The following AEBP2 variants were observed in gnomAD, a reference collection of about 807,000 sequenced individuals.
The protein encoded by AEBP2 is zinc finger protein AEBP2.
Under a neutral mutation model 50.8 loss-of-function variants are expected in AEBP2, and 10 were observed. That is an observed-to-expected ratio of 0.20 (90% CI 0.12 to 0.33). The LOEUF (loss-of-function observed/expected upper bound fraction) is 0.33, where lower values mean the gene tolerates loss of function less well. Among genes scored for constraint, AEBP2 ranks in the 10% least tolerant of loss-of-function variants. The pLI is 1.00. For missense variants in AEBP2, 570 were observed against 688.0 expected (o/e 0.83, Z 1.92); for synonymous variants, 296 against 261.3 (o/e 1.13, Z -1.28).
rs893388906 is a variant in AEBP2, at chr12:19,519,081, ACTTT to A, written c.*968_*971del. On this transcript the variant is annotated 3_prime_UTR_variant, in exon 8 of 8. Coordinates refer to ENST00000266508, the MANE Select transcript of AEBP2 (RefSeq NM_153207.5). ...TGGTCTTGAAAAGGAAAATAAAATCACTTTCTTGCTTGGTAAGCAAGAAGCCATA... is the reference window on the plus strand; with the variant it reads ...TGGTCTTGAAAAGGAAAATAAAATCACTTGCTTGGTAAGCAAGAAGCCATA... 4 of 156,254 alleles carry A rather than the reference ACTTT, an allele frequency of 2.6e-5. No homozygotes were observed. Among genetic ancestry groups the A allele is most frequent in the African/African-American group, 9.6e-5 (4 of 41,598 alleles). The allele number at this position is 156,254 out of a possible 1,614,324, so 9.7% of individuals were successfully genotyped here. A position where few individuals can be genotyped will look rare whatever the true frequency, so the allele number is the denominator to read the frequency against.
chr12:19,422,697 T>C (rs1279621255), intron 1 of AEBP2, among the ~76,000 whole-genome samples: 1 of 151,886 alleles, frequency 6.6e-6, no homozygotes, highest in Non-Finnish European at 1.5e-5. Context: ...TGGTGAAATG[T>C]ATGGTGTTCC....
chr12:19,472,052 T>C (rs184232828), intron 2 of AEBP2, among the ~76,000 whole-genome samples: 101 of 152,316 alleles, frequency 6.6e-4, no homozygotes, highest in Non-Finnish European at 1.1e-3. Flanking sequence ...AACAGTCTTG[T>C]CAAATGGCAG....
In AEBP2 at chr12:19,408,623, C is replaced by T. The variant is rs911739962; in HGVS notation, c.-17+4407C>T. Reference sequence around the variant, plus strand: ...ATCGCCTATTTCAAAAATGCAAGGCCGGGCGCGGTGACTCACACCTAAAAT... The same window carrying T: ...ATCGCCTATTTCAAAAATGCAAGGCTGGGCGCGGTGACTCACACCTAAAAT... On this transcript the variant is annotated intron_variant, in intron 1 of 3. Transcript: ENST00000538425. Among the ~76,000 whole-genome samples the T allele has an allele frequency of 2.3e-4, 35 of 151,790 alleles. 1 individual carries two copies. The highest frequency in any genetic ancestry group is 2.0e-3 in the Admixed American group (31 of 15,198).
At chr12:19,503,156 T>C (rs1048272845) in intron 5 of AEBP2, among the ~76,000 whole-genome samples, 2 of 152,222 alleles carry the variant, frequency 1.3e-5, no homozygotes, top group African/African-American at 4.8e-5. Context: ...AGGAATAGCA[T>C]TGAATCTGTA....
chr12:19,467,230 A>G (rs1948492834), intron 2 of AEBP2, among the ~76,000 whole-genome samples: 1 of 151,344 alleles, frequency 6.6e-6, no homozygotes, highest in African/African-American at 2.4e-5. Flanking sequence ...TTTTAAAAAC[A>G]TCATGAGAGT....
At chr12:19,457,289 C>T in intron 1 of AEBP2, 1 of 1,565,142 alleles carries the variant, frequency 6.4e-7, no homozygotes, top group South Asian at 1.1e-5. Flanking sequence ...CTGGCAGCAA[C>T]AATCAGGACA....
At chr12:19,423,042 G>A (rs1242798572) in intron 1 of AEBP2, among the ~76,000 whole-genome samples, 1 of 116,670 alleles carries the variant, frequency 8.6e-6, no homozygotes, top group African/African-American at 3.3e-5. Context: ...TCCAGGCTGG[G>A]TGACAGAGTG....
At chr12:19,440,406 C>G in intron 1 of AEBP2, 36 bp downstream of exon 1, 1 of 1,461,468 alleles carries the variant, frequency 6.8e-7, no homozygotes, top group Non-Finnish European at 9.0e-7. Flanking sequence ...TCCCTTCCTC[C>G]TCTTGAACTC....
At chr12:19,425,629 C>G (rs938198719) in intron 1 of AEBP2, among the ~76,000 whole-genome samples, 1 of 151,754 alleles carries the variant, frequency 6.6e-6, no homozygotes, top group South Asian at 2.1e-4. Context: ...CAAAATTAGC[C>G]GGGTATGATG....
chr12:19,476,406 A>G (rs1055549732), intron 3 of AEBP2, among the ~76,000 whole-genome samples: 2 of 152,020 alleles, frequency 1.3e-5, no homozygotes, highest in African/African-American at 2.4e-5. Flanking sequence ...CAGTGGTGTG[A>G]TCTTGACTTA....
In AEBP2 at chr12:19,518,871, C is replaced by T; in HGVS notation, c.*754C>T. On this transcript the variant is annotated 3_prime_UTR_variant, in exon 8 of 8. Coordinates refer to ENST00000266508, the MANE Select transcript of AEBP2 (RefSeq NM_153207.5). ...GTTAATATTTACCTATATAACTAAT[C>T]TGTTAACGGTTTTTGAAAAACCTTT... is the stretch of plus-strand genomic sequence containing the variant. 1 of 474,178 alleles carries T rather than the reference C, an allele frequency of 2.1e-6. No individual in the cohort carries two copies. The highest frequency in any genetic ancestry group is 3.4e-6 in the Non-Finnish European group (1 of 290,848). 29.4% of individuals were successfully genotyped at this position (474,178 alleles called of 1,614,324 possible).
chr12:19,458,633 A>G (rs1948316131), intron 1 of AEBP2, among the ~76,000 whole-genome samples: 2 of 152,182 alleles, frequency 1.3e-5, no homozygotes, highest in Non-Finnish European at 2.9e-5. Flanking sequence ...TCTTTGGCAA[A>G]GGTAATAAGC....
chr12:19,480,778 T>G (rs987818700), intron 3 of AEBP2, among the ~76,000 whole-genome samples: 2 of 152,172 alleles, frequency 1.3e-5, no homozygotes, highest in African/African-American at 4.8e-5. Flanking sequence ...TGATAATATT[T>G]TTGGGAGGAA....
At chr12:19,450,050 T>A (rs1948140043) in intron 1 of AEBP2, among the ~76,000 whole-genome samples, 1 of 152,240 alleles carries the variant, frequency 6.6e-6, no homozygotes, top group Non-Finnish European at 1.5e-5. Flanking sequence ...TTTACTTTTT[T>A]TTCCTAACTG....
chr12:19,429,546 T>C (rs2095750330), intron 1 of AEBP2, among the ~76,000 whole-genome samples: 1 of 152,238 alleles, frequency 6.6e-6, no homozygotes, highest in Non-Finnish European at 1.5e-5. Context: ...CCCTGAGGAA[T>C]CGCCACACTG....
chr12:19,480,296 G>T (rs1253306927), intron 3 of AEBP2, among the ~76,000 whole-genome samples: 1 of 152,090 alleles, frequency 6.6e-6, no homozygotes, highest in Non-Finnish European at 1.5e-5. Context: ...CTAGAGACAG[G>T]GTTTCTCCAT....
rs552126495 is a variant in AEBP2, at chr12:19,446,837, G to A, written c.671+6467G>A. 5.3e-5 allele frequency among the ~76,000 whole-genome samples: 8 copies of A among 152,210 alleles called. No homozygotes were observed. In the South Asian group the frequency reaches 1.7e-3, roughly 32 times the overall value. ...AGCTACTTGAAAGGCTGAGGCAGGA[G>A]GATCACTTGGATCCAGGAGTCTGAG... On this transcript the variant is annotated intron_variant, in intron 1 of 7. Transcript: ENST00000266508.
intron 5 of AEBP2, among the ~76,000 whole-genome samples, chr12:19,509,539 A>G (rs1043900860): frequency 3.3e-5 from 5 of 152,242 alleles, no homozygotes; most frequent in Non-Finnish European, 7.4e-5. Context: ...TGAGCTCAGG[A>G]GTTTGATACC....
At chr12:19,495,052 C>T (rs1021599356) in intron 4 of AEBP2, among the ~76,000 whole-genome samples, 1 of 152,168 alleles carries the variant, frequency 6.6e-6, no homozygotes, top group African/African-American at 2.4e-5. Flanking sequence ...ATTACAGGCA[C>T]CCGCCACCAC....
Sources: gnomAD v4.1 joint callset for allele counts (sites outside exome capture counted in the v4.1 genomes callset) on GRCh38, gnomAD v4.1.1 for gene constraint, MANE v1.5 for transcripts, NCBI Gene and HGNC (gene_info 2026-07-23, HGNC 2026-07-21) for gene names.